FNBP1L: variants seen among roughly 807,000 people sequenced by gnomAD.
FNBP1L encodes the protein formin-binding protein 1-like.
Under a neutral mutation model 91.2 loss-of-function variants are expected in FNBP1L, and 36 were observed. That is an observed-to-expected ratio of 0.39 (90% CI 0.30 to 0.52). The LOEUF (loss-of-function observed/expected upper bound fraction) is 0.52. FNBP1L is among the 20% of genes least tolerant of loss of function. The pLI is 0.66. For synonymous variants in FNBP1L, 242 were observed against 237.0 expected, an observed-to-expected ratio of 1.02 and a Z score of -0.19; for missense variants, 571 against 732.1, an observed-to-expected ratio of 0.78 and a Z score of 2.54.
intron 10 of FNBP1L, among the ~76,000 whole-genome samples, chr1:93,538,643 C>T (rs1161171460): frequency 6.7e-6 from 1 of 150,356 alleles, no homozygotes; most frequent in Admixed American, 6.7e-5. Flanking sequence ...AGAATTTTCT[C>T]AATATAGAAA....
intron 1 of FNBP1L, among the ~76,000 whole-genome samples, chr1:93,476,539 A>G (rs1283449217): frequency 1.3e-5 from 2 of 152,230 alleles, no homozygotes; most frequent in African/African-American, 2.4e-5. Flanking sequence ...AAAGAGAGCT[A>G]TTAATCAGAT....
intron 1 of FNBP1L, among the ~76,000 whole-genome samples, chr1:93,494,122 G>C (rs1257033492): frequency 2.0e-5 from 3 of 152,284 alleles, no homozygotes; most frequent in East Asian, 3.9e-4. Context: ...CTACAAATCA[G>C]GGGTTCCTGT....
At chr1:93,521,340 T>A (rs973001666) in intron 2 of FNBP1L, among the ~76,000 whole-genome samples, 4 of 152,200 alleles carry the variant, frequency 2.6e-5, no homozygotes, top group African/African-American at 9.7e-5. Context: ...AACTGTTCTT[T>A]TATTCCTTGA....
intron 2 of FNBP1L, among the ~76,000 whole-genome samples, chr1:93,504,490 T>A (rs1174599136): frequency 6.6e-6 from 1 of 152,242 alleles, no homozygotes; most frequent in South Asian, 2.1e-4. Context: ...GGTATGTCTT[T>A]ATCAGCAGCG....
intron 1 of FNBP1L, among the ~76,000 whole-genome samples, chr1:93,453,032 C>G (rs765372912): frequency 6.6e-6 from 1 of 152,186 alleles, no homozygotes; most frequent in Non-Finnish European, 1.5e-5. Context: ...CCAGAATGCC[C>G]TCTGTTGACC....
chr1:93,485,707 C>A (rs1669873384), intron 1 of FNBP1L, among the ~76,000 whole-genome samples: 1 of 152,056 alleles, frequency 6.6e-6, no homozygotes, highest in African/African-American at 2.4e-5. Context: ...TATTTCGTTT[C>A]TTTTTTTGAA....
intron 1 of FNBP1L, among the ~76,000 whole-genome samples, chr1:93,488,058 G>A (rs774468661): frequency 6.6e-6 from 1 of 152,086 alleles, no homozygotes; most frequent in Non-Finnish European, 1.5e-5. Flanking sequence ...TCTAGTTCAT[G>A]GGGCTCAAAA....
chr1:93,524,676 T>G (rs2101752322), intron 5 of FNBP1L, among the ~76,000 whole-genome samples: 1 of 151,110 alleles, frequency 6.6e-6, no homozygotes, highest in African/African-American at 2.4e-5. Flanking sequence ...CTTAGAAGAC[T>G]ATTTCCTGAG....
chr1:93,515,489 G>A (rs539917637), intron 2 of FNBP1L, among the ~76,000 whole-genome samples: 56 of 152,096 alleles, frequency 3.7e-4, no homozygotes, highest in African/African-American at 1.3e-3. Flanking sequence ...GGCATTATTC[G>A]CAATAGCAAA....
chr1:93,471,379 C>G (rs1669280536), intron 1 of FNBP1L, among the ~76,000 whole-genome samples: 1 of 152,152 alleles, frequency 6.6e-6, no homozygotes, highest in African/African-American at 2.4e-5. Context: ...AGTGTTTTGA[C>G]TTAATCATCT....
chr1:93,515,909 TATAATA>T (rs202032734), intron 2 of FNBP1L, among the ~76,000 whole-genome samples: 4,032 of 151,932 alleles, frequency 0.027, 154 homozygotes, highest in African/African-American at 0.089. Flanking sequence ...AAACTTAAGG[TATAATA>T]ATAATAATAA....
At chr1:93,544,406 G>A (rs1672148061) in intron 12 of FNBP1L, among the ~76,000 whole-genome samples, 190 bp downstream of exon 12, 1 of 152,006 alleles carries the variant, frequency 6.6e-6, no homozygotes, top group Non-Finnish European at 1.5e-5. Context: ...TTCCTTGGTT[G>A]CAGATTTTTA....
chr1:93,516,441 A>G (rs1671119406), intron 2 of FNBP1L, among the ~76,000 whole-genome samples: 2 of 152,172 alleles, frequency 1.3e-5, no homozygotes, highest in African/African-American at 4.8e-5. Context: ...TTTGTGTTCT[A>G]AAGCCCCACC....
chr1:93,513,490 C>G (rs1039468382), intron 2 of FNBP1L, among the ~76,000 whole-genome samples: 33 of 151,958 alleles, frequency 2.2e-4, no homozygotes, highest in Non-Finnish European at 2.8e-4. Context: ...AGACCAATAT[C>G]CTTGATGAAC....
intron 2 of FNBP1L, among the ~76,000 whole-genome samples, chr1:93,507,108 C>CTT (rs1670660807): frequency 1.5e-5 from 1 of 66,322 alleles, no homozygotes; most frequent in Non-Finnish European, 2.7e-5. Flanking sequence ...CACACACACA[C>CTT]TCTCTCTCTC....
rs750661119 is a variant in FNBP1L at position 93,551,060 on chromosome 1, G to C, written c.1765G>C (p.Val589Leu). ...GAGACAGAACGGTGAAGAAGGCTAC[G>C]TTCCCACGTCATACATAGATGTAAC... ...ARRQNGEEGY[V>L]PTSYIDVTLE... The change falls in exon 16 of 17, where the codon GTT becomes CTT. Residue 589 changes from valine to leucine, a missense_variant. Val to Leu is a conservative substitution (Grantham distance 32). Coordinates refer to ENST00000271234, the MANE Select transcript of FNBP1L (RefSeq NM_001164473.3). 1 of 1,612,672 alleles carries C rather than the reference G, an allele frequency of 6.2e-7. No homozygotes were observed. The highest frequency in any genetic ancestry group is 8.5e-7 in the Non-Finnish European group (1 of 1,179,188).
chr1:93,470,601 G>T (rs1441261516), intron 1 of FNBP1L, among the ~76,000 whole-genome samples: 1 of 152,118 alleles, frequency 6.6e-6, no homozygotes, highest in Non-Finnish European at 1.5e-5. Flanking sequence ...GGCCAGGCAC[G>T]GTGGCTCAGA....
rs1672446008 is a variant in FNBP1L, at chr1:93,552,523, T to G, written c.*107T>G. On this transcript the variant is annotated 3_prime_UTR_variant, in exon 17 of 17. Coordinates refer to ENST00000271234, the MANE Select transcript of FNBP1L (RefSeq NM_001164473.3). The stretch of plus-strand genomic sequence containing the variant: ...GCTCAAAGAGAGTGAGAGAAGCAAG[T>G]TGCATGAGTGCATGCAGACATGATT... 8.1e-7 allele frequency: 1 copy of G among 1,237,566 alleles called. No individual in the cohort carries two copies. The highest frequency in any genetic ancestry group is 2.4e-5 in the East Asian group (1 of 40,876). The allele number at this position is 1,237,566 out of a possible 1,614,324, so 76.7% of individuals were successfully genotyped here.
intron 1 of FNBP1L, among the ~76,000 whole-genome samples, chr1:93,494,192 T>G (rs1670190113): frequency 6.6e-6 from 1 of 152,170 alleles, no homozygotes; most frequent in Non-Finnish European, 1.5e-5. Context: ...GGGAAACACT[T>G]CATTTACTAT....
Sources: allele counts gnomAD v4.1 joint callset (sites outside exome capture counted in the v4.1 genomes callset), GRCh38; gene constraint gnomAD v4.1.1; transcripts MANE v1.5; gene names NCBI Gene and HGNC (gene_info 2026-07-23, HGNC 2026-07-21).